Variants in RAB9B observed in about 807,000 individuals in gnomAD.
RAB9B encodes the protein RAB9B, member RAS oncogene family.
RAB9B carries 1 observed loss-of-function variant against 8.9 expected under a neutral mutation model. That is an observed-to-expected ratio of 0.11 (90% CI 0.04 to 0.53). RAB9B has a LOEUF of 0.53. RAB9B is among the 20% of genes least tolerant of loss of function. RAB9B has a pLI of 0.93. For missense variants in RAB9B, 82 were observed against 152.9 expected (o/e 0.54, Z 2.45); for synonymous variants, 63 against 57.0 (o/e 1.10, Z -0.47).
downstream of RAB9B, among the ~76,000 whole-genome samples, chrX:103,819,270 C>A (rs2074650865): frequency 8.9e-6 from 1 of 111,878 alleles, no homozygotes; most frequent in African/African-American, 3.3e-5. Flanking sequence ...CTTGGCAGGT[C>A]TGATTAAAAT....
chrX:103,826,478 A>G (rs1328370495), intron 2 of RAB9B, among the ~76,000 whole-genome samples: 3 of 112,240 alleles, frequency 2.7e-5, no homozygotes, highest in African/African-American at 6.5e-5. Context: ...TGATATCAAT[A>G]TAACAGCTGT....
the RAB9B span, among the ~76,000 whole-genome samples, chrX:103,795,197 A>G: frequency 9.0e-6 from 1 of 110,638 alleles, no homozygotes; most frequent in Admixed American, 9.7e-5. Context: ...CCACAGAAAC[A>G]GTGGAAAAGA....
intron 1 of RAB9B, among the ~76,000 whole-genome samples, chrX:103,831,334 A>C (rs758942608): frequency 9.3e-6 from 1 of 107,430 alleles, no homozygotes; most frequent in African/African-American, 3.4e-5. Flanking sequence ...AGAGCTAACA[A>C]GTTATCAGCT....
chrX:103,781,783 T>C, the RAB9B span, among the ~76,000 whole-genome samples: 8 of 112,355 alleles, frequency 7.1e-5, no homozygotes, highest in Admixed American at 9.4e-5. Context: ...GTTATTACTA[T>C]ATGGTTCTTT....
chrX:103,784,637 C>T, the RAB9B span, among the ~76,000 whole-genome samples: 4 of 112,045 alleles, frequency 3.6e-5, no homozygotes, highest in South Asian at 3.7e-4. Context: ...AAGTTTCCTC[C>T]ACCTGGAATG....
the RAB9B span, among the ~76,000 whole-genome samples, chrX:103,806,903 A>T: frequency 3.6e-5 from 4 of 111,871 alleles, no homozygotes; most frequent in Non-Finnish European, 7.5e-5. Flanking sequence ...TCTCAAGGCT[A>T]AGATGGAAAA....
At chrX:103,825,902 G>T in intron 2 of RAB9B, 76 bp from the exon 3 acceptor site, 2 of 747,629 alleles carry the variant, frequency 2.7e-6, no homozygotes, top group Non-Finnish European at 3.9e-6. Context: ...AAATTTCTCT[G>T]AATTATAAGG....
chrX:103,828,719 T>C (rs1230929463), intron 1 of RAB9B, among the ~76,000 whole-genome samples: 1 of 112,070 alleles, frequency 8.9e-6, no homozygotes, highest in Non-Finnish European at 1.9e-5. Flanking sequence ...GGAATAATGA[T>C]GATGTATTAA....
At chrX:103,803,824 C>T in the RAB9B span, among the ~76,000 whole-genome samples, 2 of 112,506 alleles carry the variant, frequency 1.8e-5, no homozygotes, top group Admixed American at 9.3e-5. Context: ...GATCCACCCG[C>T]CTCAGACTCC....
chrX:103,789,475 AGGTAGACT>A, the RAB9B span: 3 of 771,538 alleles, frequency 3.9e-6, no homozygotes, highest in African/African-American at 4.1e-5. Context: ...AAAGGCAAGA[AGGTAGACT>A]GCTTCCATCC....
the RAB9B span, chrX:103,792,665 A>T: frequency 8.9e-6 from 1 of 112,812 alleles, no homozygotes; most frequent in East Asian, 2.8e-4. Flanking sequence ...TCACAATAGA[A>T]ACTTAATAAT....
downstream of RAB9B, among the ~76,000 whole-genome samples, chrX:103,819,087 G>GA (rs1280441852): frequency 2.7e-5 from 3 of 111,356 alleles, no homozygotes; most frequent in Non-Finnish European, 5.7e-5. Flanking sequence ...CAACGTAAGA[G>GA]AAAAGAGATG....
At chrX:103,776,968 C>T in the RAB9B span, 1 of 1,202,108 alleles carries the variant, frequency 8.3e-7, no homozygotes, top group Non-Finnish European at 1.1e-6. Flanking sequence ...AGCCAGCCGG[C>T]TACAATTGGA....
chrX:103,807,626 C>A, the RAB9B span, among the ~76,000 whole-genome samples: 1 of 112,294 alleles, frequency 8.9e-6, no homozygotes, highest in Non-Finnish European at 1.9e-5. Flanking sequence ...CAAAACTTCT[C>A]ATTAAAAGCC....
chrX:103,800,518 C>T, the RAB9B span, among the ~76,000 whole-genome samples: 4 of 111,274 alleles, frequency 3.6e-5, no homozygotes, highest in African/African-American at 1.3e-4. Context: ...GTCTCTTCTT[C>T]CCTCACCCTC....
intron 1 of RAB9B, among the ~76,000 whole-genome samples, chrX:103,827,516 C>T (rs1195197640): frequency 8.9e-6 from 1 of 111,791 alleles, no homozygotes; most frequent in Non-Finnish European, 1.9e-5. Flanking sequence ...TGTTAGTGCA[C>T]TCACCAGTCT....
chrX:103,787,715 C>T, the RAB9B span: 104 of 835,363 alleles, frequency 1.2e-4, no homozygotes, highest in South Asian at 4.5e-4. Context: ...GTCTGGCACA[C>T]GCCACTCCAG....
At chrX:103,790,776 C>G in the RAB9B span, 1 of 474,959 alleles carries the variant, frequency 2.1e-6, no homozygotes. Context: ...ACTCTCCCCT[C>G]TTATGTACCT....
At chrX:103,811,342 GTTAA>G in the RAB9B span, among the ~76,000 whole-genome samples, 2 of 111,897 alleles carry the variant, frequency 1.8e-5, no homozygotes, top group Non-Finnish European at 3.8e-5. Context: ...GAATATTGTG[GTTAA>G]TTATCATGTC....
Sources: gnomAD v4.1 joint callset for allele counts (sites outside exome capture counted in the v4.1 genomes callset) on GRCh38, gnomAD v4.1.1 for gene constraint, MANE v1.5 for transcripts, NCBI Gene and HGNC (gene_info 2026-07-23, HGNC 2026-07-21) for gene names.